NMT2: variants seen among roughly 807,000 people sequenced by gnomAD.
NMT2 encodes glycylpeptide N-tetradecanoyltransferase 2.
Under a neutral mutation model 65.4 loss-of-function variants are expected in NMT2, and 35 were observed. The ratio of observed to expected loss-of-function variants is 0.54; its 90% CI spans 0.41 to 0.71. NMT2 has a LOEUF of 0.71. NMT2 is among the 30% of genes least tolerant of loss of function. The pLI is 0.00. For missense variants in NMT2, 489 were observed against 611.3 expected (o/e 0.80, Z 2.11); for synonymous variants, 226 against 231.8 (o/e 0.98, Z 0.23).
chr10:15,155,915 G>A (rs978605065), intron 1 of NMT2, among the ~76,000 whole-genome samples: 3 of 152,106 alleles, frequency 2.0e-5, no homozygotes, highest in African/African-American at 7.2e-5. Flanking sequence ...TGACCTGCAG[G>A]CGGGGACGCT....
intron 1 of NMT2, among the ~76,000 whole-genome samples, chr10:15,153,026 CCT>C (rs1491248324): frequency 6.6e-6 from 1 of 152,134 alleles, no homozygotes; most frequent in African/African-American, 2.4e-5. Flanking sequence ...CAGCAGCCCC[CCT>C]TTTTTTTATG....
chr10:15,122,969 T>C (rs111240257), intron 8 of NMT2, among the ~76,000 whole-genome samples: 56 of 152,160 alleles, frequency 3.7e-4, no homozygotes, highest in African/African-American at 1.3e-3. Flanking sequence ...TCAAAGATCT[T>C]GGGGGACTTC....
At chr10:15,124,256 T>C (rs886131111) in intron 8 of NMT2, among the ~76,000 whole-genome samples, 2 of 152,104 alleles carry the variant, frequency 1.3e-5, no homozygotes, top group Non-Finnish European at 2.9e-5. Flanking sequence ...CCCCAAACAC[T>C]GAAAGGGTAG....
chr10:15,116,321 A>G (rs928710893), intron 9 of NMT2, among the ~76,000 whole-genome samples: 5 of 152,304 alleles, frequency 3.3e-5, no homozygotes, highest in Admixed American at 2.0e-4. Context: ...GCACAATTCT[A>G]AGTAGGGGTG....
rs1845282264 is a variant in NMT2, at chr10:15,105,842, TCTG to T, written c.*3350_*3352del. On this transcript the variant is annotated 3_prime_UTR_variant, in exon 12 of 12. Coordinates refer to ENST00000378165, the MANE Select transcript of NMT2 (RefSeq NM_004808.3). The stretch of plus-strand genomic sequence containing the variant: ...AATTCTCGAAAATGTTAATTAGTAA[TCTG>T]CTTCAATTATGGAGGCAAATGTAGT... Among the ~76,000 whole-genome samples, 2 of 152,238 alleles carry T rather than the reference TCTG, an allele frequency of 1.3e-5. No homozygotes were observed. The highest frequency in any genetic ancestry group is 2.9e-5 in the Non-Finnish European group (2 of 68,048).
chr10:15,111,387 T>C (rs937709083), intron 10 of NMT2, among the ~76,000 whole-genome samples: 1 of 151,154 alleles, frequency 6.6e-6, no homozygotes, highest in African/African-American at 2.4e-5. Context: ...GGCACACACC[T>C]ATAGTCCCAG....
In NMT2 at chr10:15,108,112, C is replaced by T; in HGVS notation, c.*1083G>A. 1.0e-6 allele frequency: 1 copy of T among 985,100 alleles called. No individual in the cohort carries two copies. The highest frequency in any genetic ancestry group is 4.7e-5 in the South Asian group (1 of 21,270). The allele number at this position is 985,100 out of a possible 1,614,324, so 61.0% of individuals were successfully genotyped here. A position where few individuals can be genotyped will look rare whatever the true frequency, so the allele number is the denominator to read the frequency against. The stretch of plus-strand genomic sequence containing the variant: ...TTTTTATTTCCTTTTCTTCATATAT[C>T]CTTGATGTTGCTGAGAAGAAACTGA... On this transcript the variant is annotated 3_prime_UTR_variant, in exon 12 of 12. Coordinates refer to ENST00000378165, the MANE Select transcript of NMT2 (RefSeq NM_004808.3).
chr10:15,115,933 C>G (rs550090856), intron 9 of NMT2, among the ~76,000 whole-genome samples: 20 of 152,250 alleles, frequency 1.3e-4, no homozygotes, highest in South Asian at 2.1e-4. Context: ...CAGAAGAAAT[C>G]AAGAAAAACT....
intron 1 of NMT2, among the ~76,000 whole-genome samples, chr10:15,153,979 T>C (rs1039907906): frequency 1.3e-5 from 2 of 152,208 alleles, no homozygotes; most frequent in African/African-American, 4.8e-5. Context: ...TTAGTTAGTA[T>C]ACAGGTTGAG....
intron 1 of NMT2, 65 bp downstream of exon 1, chr10:15,168,438 C>T: frequency 3.2e-6 from 4 of 1,241,710 alleles, no homozygotes; most frequent in Non-Finnish European, 4.6e-6. Context: ...CACCCCCGAA[C>T]GGGAGACCGT....
At position 15,108,745 on chromosome 10, in the gene NMT2, A is replaced by C; in HGVS notation, c.*450T>G. 9.8e-7 allele frequency: 1 copy of C among 1,019,452 alleles called. No homozygotes were observed. Among genetic ancestry groups the C allele is most frequent in the African/African-American group, 1.7e-5 (1 of 57,554 alleles). The allele number at this position is 1,019,452 out of a possible 1,614,324, so 63.2% of individuals were successfully genotyped here. A position where few individuals can be genotyped will look rare whatever the true frequency, so the allele number is the denominator to read the frequency against. On this transcript the variant is annotated 3_prime_UTR_variant, in exon 12 of 12. Transcript: ENST00000378165. ...CCATGTAAGGTGATACCAGTAAAAA[A>C]AATTTCCAAATGGATCTTTTGTTCT...
At position 15,108,610 on chromosome 10, in the gene NMT2, GAAAT is replaced by G. The variant is rs970229220; in HGVS notation, c.*581_*584del. On this transcript the variant is annotated 3_prime_UTR_variant, in exon 12 of 12. Coordinates refer to ENST00000378165, the MANE Select transcript of NMT2 (RefSeq NM_004808.3). The stretch of plus-strand genomic sequence containing the variant: ...TTGATTCGGCAACTCTGCTTATGGA[GAAAT>G]ACATGTACTAGTCACCAGTACATTT... 2 of 985,876 alleles carry G rather than the reference GAAAT, an allele frequency of 2.0e-6. No individual in the cohort carries two copies. The highest frequency in any genetic ancestry group is 3.5e-5 in the African/African-American group (2 of 57,242). The allele number at this position is 985,876 out of a possible 1,614,324, so 61.1% of individuals were successfully genotyped here.
chr10:15,127,579 T>A (rs1483792222), intron 8 of NMT2, among the ~76,000 whole-genome samples: 1,779 of 60,898 alleles, frequency 0.029, 22 homozygotes, highest in African/African-American at 0.041. Flanking sequence ...AATAAATAAA[T>A]AAATAAATAA....
At chr10:15,118,753 C>T (rs1443995155) in intron 9 of NMT2, among the ~76,000 whole-genome samples, 2 of 152,142 alleles carry the variant, frequency 1.3e-5, no homozygotes, top group African/African-American at 4.8e-5. Context: ...AAAATCTGAC[C>T]ATACCCACGT....
intron 8 of NMT2, among the ~76,000 whole-genome samples, chr10:15,125,281 C>T (rs1846039210): frequency 6.6e-6 from 1 of 152,214 alleles, no homozygotes; most frequent in Non-Finnish European, 1.5e-5. Flanking sequence ...ACGACTGGAA[C>T]AGGACTGCTA....
At chr10:15,151,421 A>T (rs1832798765) in intron 1 of NMT2, among the ~76,000 whole-genome samples, 1 of 152,216 alleles carries the variant, frequency 6.6e-6, no homozygotes, top group Non-Finnish European at 1.5e-5. Flanking sequence ...CCCAATTCTG[A>T]TAAGAGATAA....
At chr10:15,141,263 C>T (rs1846745185) in intron 2 of NMT2, 159 bp downstream of exon 2, 1 of 1,000,786 alleles carries the variant, frequency 1.0e-6, no homozygotes, top group South Asian at 1.6e-5. Flanking sequence ...TGCCAAAGTC[C>T]ATTTTAAGGA....
intron 1 of NMT2, among the ~76,000 whole-genome samples, chr10:15,166,111 T>C (rs1022988166): frequency 2.0e-5 from 3 of 152,206 alleles, no homozygotes; most frequent in South Asian, 2.1e-4. Flanking sequence ...TACTTACATT[T>C]TGGTGCAAAA....
Position 15,109,902 on chromosome 10 carries a change from C to T in NMT2, c.1339-63G>A, listed in dbSNP as rs1455586443. The T allele has an allele frequency of 3.7e-6, 5 of 1,338,728 alleles. No homozygotes were observed. In the African/African-American group the frequency reaches 5.9e-5, roughly 16 times the overall value. The allele number at this position is 1,338,728 out of a possible 1,614,324, so 82.9% of individuals were successfully genotyped here. A position where few individuals can be genotyped will look rare whatever the true frequency, so the allele number is the denominator to read the frequency against. ...GACTAGTGTTTTCTGTATTACATATCTCAGTTTAACAATTCTACTAATAGC... is the reference window on the plus strand; with the variant it reads ...GACTAGTGTTTTCTGTATTACATATTTCAGTTTAACAATTCTACTAATAGC... On this transcript the variant is annotated intron_variant, in intron 10 of 11. Transcript: ENST00000378165.
Sources: gnomAD v4.1 joint callset for allele counts (sites outside exome capture counted in the v4.1 genomes callset) on GRCh38, gnomAD v4.1.1 for gene constraint, MANE v1.5 for transcripts, NCBI Gene and HGNC (gene_info 2026-07-23, HGNC 2026-07-21) for gene names.